Variants in CTNNA3 observed in about 807,000 individuals in gnomAD.
CTNNA3 encodes catenin alpha 3, also known as catenin alpha-3.
Under a neutral mutation model 95.7 loss-of-function variants are expected in CTNNA3, and 76 were observed. The ratio of observed to expected loss-of-function variants is 0.79; its 90% confidence interval spans 0.66 to 0.96. The LOEUF (loss-of-function observed/expected upper bound fraction) is 0.96. CTNNA3 is among the 40% of genes least tolerant of loss of function. CTNNA3 has a pLI of 0.00. For synonymous variants in CTNNA3, 431 were observed against 374.4 expected (o/e 1.15, Z -1.74); for missense variants, 1,191 against 1,089.8 (o/e 1.09, Z -1.31).
intron 3 of CTNNA3, among the ~76,000 whole-genome samples, chr10:67,581,505 T>C (rs1842395405): frequency 1.3e-5 from 2 of 152,222 alleles, no homozygotes; most frequent in Admixed American, 1.3e-4. Context: ...ATCAGGGATA[T>C]TGGCCTAAAA....
intron 5 of CTNNA3, among the ~76,000 whole-genome samples, chr10:67,250,307 C>A (rs548714044): frequency 3.7e-4 from 56 of 152,048 alleles, no homozygotes; most frequent in South Asian, 1.9e-3. Flanking sequence ...CCTCCACCTC[C>A]CAGGTTCACG....
chr10:66,047,528 A>T (rs1342276407), intron 15 of CTNNA3, among the ~76,000 whole-genome samples: 2 of 152,142 alleles, frequency 1.3e-5, no homozygotes, highest in South Asian at 2.1e-4. Context: ...ACATTTTACT[A>T]AATGGGCAAA....
At chr10:66,597,511 C>CATATATATATATATATAT (rs369390875) in intron 10 of CTNNA3, among the ~76,000 whole-genome samples, 2 of 70,952 alleles carry the variant, frequency 2.8e-5, no homozygotes, top group Non-Finnish European at 2.9e-5. Context: ...TTATTTCATA[C>CATATATATATATATATAT]ATATATATAT....
intron 7 of CTNNA3, among the ~76,000 whole-genome samples, chr10:67,072,020 T>G (rs1327631525): frequency 6.6e-6 from 1 of 152,236 alleles, no homozygotes; most frequent in Non-Finnish European, 1.5e-5. Context: ...GTGCACGATC[T>G]CAGCGCACTG....
At chr10:67,274,033 A>G (rs1329678785) in intron 5 of CTNNA3, among the ~76,000 whole-genome samples, 1 of 152,212 alleles carries the variant, frequency 6.6e-6, no homozygotes, top group Non-Finnish European at 1.5e-5. Flanking sequence ...CATTTAAATG[A>G]AAGTTTTGCC....
At chr10:66,891,541 T>G (rs958084789) in intron 7 of CTNNA3, among the ~76,000 whole-genome samples, 21 of 152,182 alleles carry the variant, frequency 1.4e-4, no homozygotes, top group African/African-American at 4.3e-4. Flanking sequence ...TCAATTTGTT[T>G]TATCCTAAAA....
At chr10:66,199,805 A>ATATATATATATATATATATTTTTTTTTT (rs1564756586) in intron 13 of CTNNA3, among the ~76,000 whole-genome samples, 1 of 14,292 alleles carries the variant, frequency 7.0e-5, no homozygotes, top group Non-Finnish European at 1.1e-4. Flanking sequence ...ATATATATAT[A>ATATATATATATATATATATTTTTTTTTT]TTTTTTTTTT....
intron 5 of CTNNA3, among the ~76,000 whole-genome samples, chr10:67,244,636 A>G (rs1278693393): frequency 2.0e-5 from 3 of 152,234 alleles, no homozygotes; most frequent in Non-Finnish European, 4.4e-5. Flanking sequence ...ATATGCTAAA[A>G]TAATAAATTT....
chr10:66,639,686 T>C (rs1337310444), intron 9 of CTNNA3, among the ~76,000 whole-genome samples: 1 of 152,140 alleles, frequency 6.6e-6, no homozygotes, highest in African/African-American at 2.4e-5. Context: ...GAAGTATTTA[T>C]TTAGAAGTCA....
At chr10:66,880,115 T>C (rs1401746426) in intron 7 of CTNNA3, among the ~76,000 whole-genome samples, 1 of 152,042 alleles carries the variant, frequency 6.6e-6, no homozygotes, top group African/African-American at 2.4e-5. Flanking sequence ...TAATTGAACA[T>C]GAAGTGATGA....
intron 6 of CTNNA3, among the ~76,000 whole-genome samples, chr10:67,198,471 T>C (rs566056423): frequency 6.6e-6 from 1 of 152,300 alleles, no homozygotes; most frequent in South Asian, 2.1e-4. Context: ...GCAAGTCTTA[T>C]GTGGCTAGGA....
chr10:67,351,113 A>G (rs1842619674), intron 5 of CTNNA3, among the ~76,000 whole-genome samples: 1 of 34,908 alleles, frequency 2.9e-5, no homozygotes, highest in Admixed American at 5.7e-4. Context: ...GAAAGAAGTC[A>G]GACTCAAAAG....
chr10:67,144,011 G>T (rs1860723051), intron 7 of CTNNA3, among the ~76,000 whole-genome samples: 1 of 152,200 alleles, frequency 6.6e-6, no homozygotes, highest in East Asian at 1.9e-4. Flanking sequence ...TAAAAAATAA[G>T]ACTTGAAACT....
intron 10 of CTNNA3, among the ~76,000 whole-genome samples, chr10:66,535,676 C>T (rs1841627555): frequency 6.6e-6 from 1 of 152,130 alleles, no homozygotes; most frequent in Admixed American, 6.5e-5. Flanking sequence ...ACTATAGCTG[C>T]CTTCAATTTT....
intron 7 of CTNNA3, among the ~76,000 whole-genome samples, chr10:66,964,088 G>A (rs1175453382): frequency 6.6e-6 from 1 of 151,776 alleles, no homozygotes; most frequent in East Asian, 1.9e-4. Context: ...CTGACCTCGT[G>A]ATCTGCCTGC....
chr10:67,588,848 T>C, intron 3 of CTNNA3, among the ~76,000 whole-genome samples: 1 of 152,236 alleles, frequency 6.6e-6, no homozygotes, highest in South Asian at 2.1e-4. Flanking sequence ...AACTATTTTA[T>C]ACTAATATCA....
intron 7 of CTNNA3, among the ~76,000 whole-genome samples, chr10:66,839,233 C>T (rs1194400629): frequency 2.6e-5 from 4 of 152,092 alleles, no homozygotes; most frequent in Non-Finnish European, 4.4e-5. Flanking sequence ...TATTCTGTGA[C>T]ATTTGTCAGT....
intron 9 of CTNNA3, among the ~76,000 whole-genome samples, chr10:66,637,964 T>C (rs1285463159): frequency 1.3e-5 from 2 of 152,106 alleles, no homozygotes; most frequent in Non-Finnish European, 2.9e-5. Flanking sequence ...GCTGGATTAC[T>C]TGAGGGCTGA....
intron 7 of CTNNA3, among the ~76,000 whole-genome samples, chr10:67,067,921 A>G (rs997951453): frequency 1.3e-5 from 2 of 152,230 alleles, no homozygotes; most frequent in African/African-American, 4.8e-5. Context: ...GGAGGTGTCA[A>G]TTCAATCTGG....
Sources: gnomAD v4.1 joint callset for allele counts (sites outside exome capture counted in the v4.1 genomes callset) on GRCh38, gnomAD v4.1.1 for gene constraint, MANE v1.5 for transcripts, NCBI Gene and HGNC (gene_info 2026-07-23, HGNC 2026-07-21) for gene names.